KRT86: variants seen among roughly 807,000 people sequenced by gnomAD.
The protein encoded by KRT86 is keratin 86.
KRT86 carries 30 observed loss-of-function variants against 41.2 expected under a neutral mutation model. That is an observed-to-expected ratio of 0.73 (90% CI 0.54 to 0.99). KRT86 has a LOEUF of 0.99. Among genes scored for constraint, KRT86 ranks in the 50% least tolerant of loss-of-function variants. The pLI is 0.00. For missense variants in KRT86, 561 were observed against 571.4 expected (o/e 0.98, Z 0.19); for synonymous variants, 238 against 238.1 (o/e 1.00, Z 0.00).
intron 2 of KRT86, chr12:52,286,392 C>A: frequency 1.3e-6 from 2 of 1,555,348 alleles, no homozygotes; most frequent in South Asian, 2.4e-5. Context: ...CTCACCGCCA[C>A]GTTCCCGTTG....
intron 2 of KRT86, among the ~76,000 whole-genome samples, chr12:52,284,394 T>C (rs1481597863): frequency 6.6e-6 from 1 of 152,114 alleles, no homozygotes; most frequent in East Asian, 1.9e-4. Context: ...CTCACTGTAT[T>C]GTCTGGGCTG....
chr12:52,283,355 C>T (rs1436159164), intron 2 of KRT86, among the ~76,000 whole-genome samples: 1 of 139,724 alleles, frequency 7.2e-6, no homozygotes, highest in Admixed American at 7.2e-5. Flanking sequence ...CCTGCACCAC[C>T]GCACTCCAGC....
Position 52,308,420 on chromosome 12 carries a change from C to T in KRT86, c.1296C>T (p.Arg432=), listed in dbSNP as rs1938568005. Residue 432 remains arginine (R), a synonymous_variant, in exon 11 of 11, where the codon CGC becomes CGT. Coordinates refer to ENST00000423955, the MANE Select transcript of KRT86 (RefSeq NM_001320198.2). ...GSVNVCVSSS[R]GGVVCGDLCA... is the part of the protein sequence containing the mutation. Reference sequence around the variant, plus strand: ...CCCCTGCAGGCGTCAGCAGCTCCCGCGGTGGCGTTGTCTGTGGCGATCTCT... The same window carrying T: ...CCCCTGCAGGCGTCAGCAGCTCCCGTGGTGGCGTTGTCTGTGGCGATCTCT... 3 of 1,611,742 alleles carry T rather than the reference C, an allele frequency of 1.9e-6. No individual in the cohort carries two copies. Among genetic ancestry groups the T allele is most frequent in the South Asian group, 1.1e-5 (1 of 90,984 alleles).
At chr12:52,294,200 G>A (rs1300827786) in intron 2 of KRT86, among the ~76,000 whole-genome samples, 11 of 152,176 alleles carry the variant, frequency 7.2e-5, no homozygotes, top group Non-Finnish European at 1.3e-4. Flanking sequence ...CAGTAAACCA[G>A]CGGTTGGGTG....
At chr12:52,280,545 G>A (rs899819269) in intron 2 of KRT86, among the ~76,000 whole-genome samples, 2 of 152,152 alleles carry the variant, frequency 1.3e-5, no homozygotes, top group African/African-American at 2.4e-5. Context: ...GTTCTTCTGG[G>A]TGCCTGCCCA....
At position 52,274,673 on chromosome 12, in the gene KRT86, G is replaced by T; in HGVS notation, c.-180G>T. 1 of 985,106 alleles carries T rather than the reference G, an allele frequency of 1.0e-6. No homozygotes were observed. 61.0% of individuals were successfully genotyped at this position (985,106 alleles called of 1,614,324 possible). On this transcript the variant is annotated 5_prime_UTR_variant, in exon 1 of 11. Coordinates refer to ENST00000423955, the MANE Select transcript of KRT86 (RefSeq NM_001320198.2). ...CTGGTAGCTCTTGGGCTGAAGCTGG[G>T]CTTTGGTGCTCAAGAGAGGCTTGGA...
intron 2 of KRT86, chr12:52,286,598 G>T: frequency 7.6e-7 from 1 of 1,311,666 alleles, no homozygotes; most frequent in Non-Finnish European, 1.1e-6. Context: ...AAAGTCAGAA[G>T]CATCTTTGTG....
Position 52,289,018 on chromosome 12 carries a change from G to C in KRT86, c.-4-12895G>C, listed in dbSNP as rs376781618. Among the ~76,000 whole-genome samples, 9 of 127,732 alleles carry C rather than the reference G, an allele frequency of 7.0e-5. No individual in the cohort carries two copies. The East Asian group carries it at 2.1e-3, about 29-fold the overall frequency. The allele number at this position is 127,732 out of a possible 152,430, so 83.8% of individuals were successfully genotyped here. ...CATCCCCTTGCCCAAGGTAGGTGCT[G>C]GTAGATATTCCCAAGTCATTGCCCT... On this transcript the variant is annotated intron_variant, in intron 2 of 10. Transcript: ENST00000423955.
At chr12:52,287,761 C>A in intron 2 of KRT86, 2 of 1,613,998 alleles carry the variant, frequency 1.2e-6, no homozygotes, top group East Asian at 2.2e-5. Context: ...CAGGGTGGGA[C>A]CTCCCATCCA....
rs960541702 is a variant in KRT86, at chr12:52,287,644, G to A, written c.-5+11698G>A. 10 of 1,613,812 alleles carry A rather than the reference G, an allele frequency of 6.2e-6. No individual in the cohort carries two copies. The African/African-American group carries it at 1.3e-4, about 22-fold the overall frequency. ...CGGCCGTCAGCCTTTGGATCATGCGGTTCAGCTCATTGATCTCCTCCTTGG... is the reference window on the plus strand; with the variant it reads ...CGGCCGTCAGCCTTTGGATCATGCGATTCAGCTCATTGATCTCCTCCTTGG... On this transcript the variant is annotated intron_variant, in intron 2 of 10. Transcript: ENST00000423955.
At chr12:52,286,133 G>T in intron 2 of KRT86, 1 of 813,534 alleles carries the variant, frequency 1.2e-6, no homozygotes, top group Non-Finnish European at 2.1e-6. Flanking sequence ...GGCCAGGAGT[G>T]GGAGGGGTCT....
chr12:52,275,807 C>T lies in KRT86; in HGVS notation c.-130-14C>T, dbSNP rs764757946. ...CCTCCTGACTACAGCTCCCCTCTGC[C>T]GTCTGCTCCACAGTGTGAGGAATTA... On this transcript the variant is annotated splice_polypyrimidine_tract_variant and intron_variant, in intron 1 of 10. Coordinates refer to ENST00000423955, the MANE Select transcript of KRT86 (RefSeq NM_001320198.2). The T allele has an allele frequency of 1.4e-4, 140 of 985,432 alleles. No homozygotes were observed. The highest frequency in any genetic ancestry group is 5.7e-4 in the East Asian group (5 of 8,816). The allele number at this position is 985,432 out of a possible 1,614,324, so 61.0% of individuals were successfully genotyped here. A position where few individuals can be genotyped will look rare whatever the true frequency, so the allele number is the denominator to read the frequency against.
At chr12:52,282,393 G>C (rs1937796548) in intron 2 of KRT86, among the ~76,000 whole-genome samples, 3 of 151,954 alleles carry the variant, frequency 2.0e-5, no homozygotes, top group Non-Finnish European at 4.4e-5. Flanking sequence ...CCACCGTGAT[G>C]GGCTAATTTT....
intron 2 of KRT86, chr12:52,286,184 G>A (rs977518732): frequency 5.3e-5 from 68 of 1,271,704 alleles, no homozygotes; most frequent in Non-Finnish European, 7.2e-5. Context: ...TGCTCCAGGC[G>A]CCTGGACTGG....
chr12:52,303,820 TG>T (rs1194634655), intron 4 of KRT86, among the ~76,000 whole-genome samples: 1 of 103,594 alleles, frequency 9.7e-6, no homozygotes, highest in Non-Finnish European at 2.0e-5. Flanking sequence ...ACTCCCAGGA[TG>T]GGGCTGGGGG....
chr12:52,304,733 C>T (rs2121307368), intron 5 of KRT86, among the ~76,000 whole-genome samples, 199 bp from the exon 6 acceptor site: 1 of 151,822 alleles, frequency 6.6e-6, no homozygotes, highest in East Asian at 1.9e-4. Flanking sequence ...TGAGCCGTGC[C>T]CAAGACAAAC....
intron 2 of KRT86, among the ~76,000 whole-genome samples, chr12:52,295,408 C>T (rs1423391542): frequency 2.6e-5 from 4 of 152,170 alleles, no homozygotes; most frequent in Non-Finnish European, 5.9e-5. Flanking sequence ...GTGTCTGATC[C>T]CAAAGGAAGG....
chr12:52,286,406 G>T lies in KRT86; in HGVS notation c.-5+10460G>T, dbSNP rs114447073. 3.2e-4 allele frequency: 503 copies of T among 1,554,464 alleles called. No homozygotes were observed. Among genetic ancestry groups the T allele is most frequent in the Non-Finnish European group, 4.1e-4 (466 of 1,148,826 alleles). Reference sequence around the variant, plus strand: ...GCTCACCGCCACGTTCCCGTTGCACGGAGCGCTGCAGACACTGCCAGTCAC... The same window carrying T: ...GCTCACCGCCACGTTCCCGTTGCACTGAGCGCTGCAGACACTGCCAGTCAC... On this transcript the variant is annotated intron_variant, in intron 2 of 10. Coordinates refer to ENST00000423955, the MANE Select transcript of KRT86 (RefSeq NM_001320198.2).
intron 2 of KRT86, chr12:52,291,351 G>A: frequency 6.3e-7 from 1 of 1,587,782 alleles, no homozygotes; most frequent in African/African-American, 1.3e-5. Flanking sequence ...GTGAGGCCGC[G>A]GTAGCAGGAG....
Sources: allele counts gnomAD v4.1 joint callset (sites outside exome capture counted in the v4.1 genomes callset), GRCh38; gene constraint gnomAD v4.1.1; transcripts MANE v1.5; gene names NCBI Gene and HGNC (gene_info 2026-07-23, HGNC 2026-07-21).